DPY19L2: variants seen among roughly 807,000 people sequenced by gnomAD.
DPY19L2 encodes dpy-19 like 2, also known as probable C-mannosyltransferase DPY19L2.
Under a neutral mutation model 97.9 loss-of-function variants are expected in DPY19L2, and 34 were observed. That is an observed-to-expected ratio of 0.35 (90% CI 0.26 to 0.46). The LOEUF is 0.46. Ranked by LOEUF, DPY19L2 falls within the 20% of genes least tolerant of loss-of-function variation. DPY19L2 has a pLI of 1.00. For synonymous variants in DPY19L2, 230 were observed against 307.9 expected (o/e 0.75, Z 2.65); for missense variants, 623 against 911.4 (o/e 0.68, Z 4.07).
At chr12:63,628,375 G>A (rs1889950151) in intron 6 of DPY19L2, among the ~76,000 whole-genome samples, 1 of 152,136 alleles carries the variant, frequency 6.6e-6, no homozygotes, top group South Asian at 2.1e-4. Context: ...CCCTAACAGT[G>A]CGCTTTTCCA....
At position 63,621,222 on chromosome 12, in the gene DPY19L2, T is replaced by TA. The variant is rs1448658217; in HGVS notation, c.1053+15dup. 1.0e-6 allele frequency: 1 copy of TA among 953,294 alleles called. No homozygotes were observed. The highest frequency in any genetic ancestry group is 1.6e-6 in the Non-Finnish European group (1 of 623,162). 59.1% of individuals were successfully genotyped at this position (953,294 alleles called of 1,614,324 possible). On this transcript the variant is annotated intron_variant, in intron 9 of 21. Transcript: ENST00000324472. ...CTTAAAATAAAAATAAAAATTAATT[T>TA]AAAAAATCATCTTACCTGTGTAAAA...
intron 6 of DPY19L2, among the ~76,000 whole-genome samples, chr12:63,636,421 A>C (rs1387834391): frequency 1.3e-5 from 2 of 152,170 alleles, no homozygotes; most frequent in Non-Finnish European, 2.9e-5. Context: ...AAATTCACAT[A>C]AAACAATATT....
intron 6 of DPY19L2, among the ~76,000 whole-genome samples, chr12:63,637,769 T>G (rs1233245426): frequency 6.6e-6 from 1 of 152,136 alleles, no homozygotes; most frequent in African/African-American, 2.4e-5. Context: ...AGCCCAATCC[T>G]ACCAGAGGTA....
chr12:63,633,448 T>C (rs1266170), intron 6 of DPY19L2, among the ~76,000 whole-genome samples: 21 of 152,060 alleles, frequency 1.4e-4, no homozygotes, highest in African/African-American at 4.3e-4. Flanking sequence ...ATGCAGCCAA[T>C]AGACACACGA....
At chr12:63,639,551 G>T (rs528178920) in intron 6 of DPY19L2, among the ~76,000 whole-genome samples, 220 of 152,246 alleles carry the variant, frequency 1.4e-3, no homozygotes, top group African/African-American at 4.9e-3. Context: ...GATATGAACA[G>T]ACACTTCTCA....
At chr12:63,568,300 A>C (rs1878151597) in intron 21 of DPY19L2, among the ~76,000 whole-genome samples, 1 of 151,960 alleles carries the variant, frequency 6.6e-6, no homozygotes, top group Non-Finnish European at 1.5e-5. Context: ...TTTTCATTTC[A>C]TTTATTATAC....
intron 20 of DPY19L2, 79 bp downstream of exon 20, chr12:63,570,679 G>GTGTA (rs1878651935): frequency 8.8e-7 from 1 of 1,131,158 alleles, no homozygotes; most frequent in Admixed American, 1.9e-5. Context: ...GTGTGTGTGT[G>GTGTA]TGTGTGTAAA....
chr12:63,605,226 G>T (rs561167842), intron 12 of DPY19L2, among the ~76,000 whole-genome samples: 37 of 152,128 alleles, frequency 2.4e-4, no homozygotes, highest in Non-Finnish European at 4.7e-4. Context: ...GGGCTAGGAG[G>T]TCGGTAAGGA....
intron 6 of DPY19L2, among the ~76,000 whole-genome samples, chr12:63,640,117 C>T (rs7316522): frequency 0.28 from 42,942 of 151,944 alleles, 6,659 homozygotes; most frequent in African/African-American, 0.43. Flanking sequence ...AACCAAACAC[C>T]ACATGTTCTC....
chr12:63,610,251 G>A lies in DPY19L2; in HGVS notation c.1219-1576C>T, dbSNP rs1348597232. Among the ~76,000 whole-genome samples the A allele has an allele frequency of 3.9e-5, 6 of 151,976 alleles. No individual in the cohort carries two copies. In the East Asian group the frequency reaches 9.7e-4, roughly 24 times the overall value. On this transcript the variant is annotated intron_variant, in intron 11 of 21. Transcript: ENST00000324472. ...TACAGCGAATAGGCAGTAACAGGGTGAAAAGAAAGGTAGAGTGAATGTGCT... is the reference window on the plus strand; with the variant it reads ...TACAGCGAATAGGCAGTAACAGGGTAAAAAGAAAGGTAGAGTGAATGTGCT...
Position 63,623,468 on chromosome 12 carries a change from T to C in DPY19L2, c.953+572A>G, listed in dbSNP as rs1889028479. ...AAACTGTGAAGAGAAAATGTAATTG[T>C]TTCTCAAAAACTTTTGAATCTTGGC... On this transcript the variant is annotated intron_variant, in intron 8 of 21. Coordinates refer to ENST00000324472, the MANE Select transcript of DPY19L2 (RefSeq NM_173812.5). 4.6e-5 allele frequency among the ~76,000 whole-genome samples: 7 copies of C among 152,208 alleles called. 1 individual carries two copies. The South Asian group carries it at 8.3e-4, about 18-fold the overall frequency.
intron 6 of DPY19L2, among the ~76,000 whole-genome samples, chr12:63,630,031 C>T (rs1341893562): frequency 6.6e-6 from 1 of 152,050 alleles, no homozygotes; most frequent in East Asian, 1.9e-4. Context: ...GATTTTGTCA[C>T]CACCAGGCCA....
chr12:63,575,339 T>C (rs1879628133), intron 19 of DPY19L2, among the ~76,000 whole-genome samples: 1 of 151,900 alleles, frequency 6.6e-6, no homozygotes, highest in East Asian at 1.9e-4. Flanking sequence ...GGGAAGTCTA[T>C]AGCTGTAAGT....
At chr12:63,569,786 A>G (rs1305675713) in intron 20 of DPY19L2, among the ~76,000 whole-genome samples, 1 of 152,184 alleles carries the variant, frequency 6.6e-6, no homozygotes, top group Non-Finnish European at 1.5e-5. Flanking sequence ...CACTTAGACA[A>G]TGGGCATCCA....
At chr12:63,634,126 C>T (rs531804291) in intron 6 of DPY19L2, among the ~76,000 whole-genome samples, 6 of 152,052 alleles carry the variant, frequency 3.9e-5, no homozygotes, top group Non-Finnish European at 8.8e-5. Context: ...TGATGAGTTA[C>T]TGGGTGCAGC....
intron 16 of DPY19L2, among the ~76,000 whole-genome samples, chr12:63,590,243 A>G (rs1271019978): frequency 1.3e-5 from 2 of 152,212 alleles, no homozygotes; most frequent in Non-Finnish European, 2.9e-5. Context: ...AATTGATACA[A>G]TAAAATGAAT....
chr12:63,637,445 C>T (rs1891924690), intron 6 of DPY19L2, among the ~76,000 whole-genome samples: 1 of 151,704 alleles, frequency 6.6e-6, no homozygotes, highest in African/African-American at 2.4e-5. Flanking sequence ...GAAAGATCAA[C>T]AAAATTGATA....
intron 4 of DPY19L2, among the ~76,000 whole-genome samples, chr12:63,647,932 A>G (rs945779921): frequency 3.3e-5 from 5 of 152,140 alleles, no homozygotes; most frequent in African/African-American, 7.2e-5. Flanking sequence ...AGAAATGCCA[A>G]TGGGCACTGC....
At chr12:63,640,564 C>G (rs1246111952) in intron 6 of DPY19L2, among the ~76,000 whole-genome samples, 2 of 152,100 alleles carry the variant, frequency 1.3e-5, no homozygotes, top group Non-Finnish European at 2.9e-5. Context: ...GTAACAAATA[C>G]AAAAGTTTTC....
Sources: gnomAD v4.1 joint callset for allele counts (sites outside exome capture counted in the v4.1 genomes callset) on GRCh38, gnomAD v4.1.1 for gene constraint, MANE v1.5 for transcripts, NCBI Gene and HGNC (gene_info 2026-07-23, HGNC 2026-07-21) for gene names.